UBE3B: variants seen among roughly 807,000 people sequenced by gnomAD.
UBE3B encodes ubiquitin protein ligase E3B, also known as ubiquitin-protein ligase E3B.
UBE3B carries 80 observed loss-of-function variants against 132.3 expected under a neutral mutation model. The observed-to-expected ratio is 0.60, with a 90% CI of 0.50 to 0.73. The LOEUF (loss-of-function observed/expected upper bound fraction) is 0.73. UBE3B is among the 30% of genes least tolerant of loss of function. UBE3B has a pLI of 0.00. For missense variants in UBE3B, 1,196 were observed against 1,362.5 expected (o/e 0.88, Z 1.92); for synonymous variants, 487 against 520.4 (o/e 0.94, Z 0.87).
intron 24 of UBE3B, among the ~76,000 whole-genome samples, chr12:109,527,800 G>A (rs1566113134): frequency 6.6e-6 from 1 of 152,212 alleles, no homozygotes; most frequent in South Asian, 2.1e-4. Context: ...CTTTAGGGGG[G>A]TGCTTGTAGG....
At position 109,481,642 on chromosome 12, in the gene UBE3B, A is replaced by G. The variant is rs927386104; in HGVS notation, c.-122A>G. Reference sequence around the variant, plus strand: ...TTTTCTTCTGCTTCTGCCAGAAAAAATAACAAGCTTTTCTGAAGTGAGAAG... The same window carrying G: ...TTTTCTTCTGCTTCTGCCAGAAAAAGTAACAAGCTTTTCTGAAGTGAGAAG... On this transcript the variant is annotated 5_prime_UTR_variant, in exon 2 of 28. Coordinates refer to ENST00000342494, the MANE Select transcript of UBE3B (RefSeq NM_130466.4). The G allele has an allele frequency of 3.3e-5, 5 of 152,212 alleles. No individual in the cohort carries two copies. Among genetic ancestry groups the G allele is most frequent in the African/African-American group, 1.2e-4 (5 of 41,444 alleles). 9.4% of individuals were successfully genotyped at this position (152,212 alleles called of 1,614,324 possible).
At chr12:109,524,875 G>T (rs1882146157) in intron 23 of UBE3B, among the ~76,000 whole-genome samples, 1 of 151,906 alleles carries the variant, frequency 6.6e-6, no homozygotes, top group Admixed American at 6.6e-5. Context: ...GCAGAAGCCT[G>T]TCCTTGTTCA....
intron 18 of UBE3B, among the ~76,000 whole-genome samples, chr12:109,512,422 G>A (rs1002865733): frequency 3.3e-5 from 5 of 152,100 alleles, no homozygotes; most frequent in African/African-American, 7.2e-5. Context: ...GGCTGTGGCA[G>A]GAGCATCCAG....
chr12:109,523,158 G>A (rs181469869), intron 21 of UBE3B, among the ~76,000 whole-genome samples: 5 of 152,270 alleles, frequency 3.3e-5, no homozygotes, highest in Admixed American at 1.3e-4. Flanking sequence ...TCTGACAGGT[G>A]TCATCAAGTC....
intron 9 of UBE3B, among the ~76,000 whole-genome samples, chr12:109,493,997 T>A (rs1412075264): frequency 6.6e-6 from 1 of 152,146 alleles, no homozygotes; most frequent in Non-Finnish European, 1.5e-5. Flanking sequence ...TTTTTATTTT[T>A]AAAATTTTTG....
rs904851421 is a variant in UBE3B at position 109,521,637 on chromosome 12, T to G, written c.2364+86T>G. Reference sequence around the variant, plus strand: ...TCACATACACATATGTGATCAGGCTTGGCCATGTAAACTGTCACTAGGATA... The same window carrying G: ...TCACATACACATATGTGATCAGGCTGGGCCATGTAAACTGTCACTAGGATA... On this transcript the variant is annotated intron_variant, in intron 21 of 27. Coordinates refer to ENST00000342494, the MANE Select transcript of UBE3B (RefSeq NM_130466.4). This position sits in a 1 kb window ranked among gnomAD's most constrained non-coding sequence, Gnocchi z 4.2. The G allele has an allele frequency of 5.4e-6, 7 of 1,290,664 alleles. No individual in the cohort carries two copies. The highest frequency in any genetic ancestry group is 5.3e-6 in the Non-Finnish European group (5 of 947,962). 80.0% of individuals were successfully genotyped at this position (1,290,664 alleles called of 1,614,324 possible).
Position 109,525,112 on chromosome 12 carries a change from C to T in UBE3B, c.2568+609C>T, listed in dbSNP as rs574182680. ...GCAGAGCCGACTTATTAGACTCGCG[C>T]TTGGGCACCTCAGAACCCCCAGTCT... is the stretch of plus-strand genomic sequence containing the variant. On this transcript the variant is annotated intron_variant, in intron 23 of 27. Coordinates refer to ENST00000342494, the MANE Select transcript of UBE3B (RefSeq NM_130466.4). Among the ~76,000 whole-genome samples the T allele has an allele frequency of 2.0e-5, 3 of 152,262 alleles. No individual in the cohort carries two copies. The East Asian group carries it at 5.8e-4, about 29-fold the overall frequency.
At chr12:109,490,386 C>T in intron 8 of UBE3B, 4 of 1,507,630 alleles carry the variant, frequency 2.7e-6, no homozygotes, top group South Asian at 1.3e-5. Context: ...TGTGCCAGAT[C>T]ATACCTCTAG....
At chr12:109,490,240 G>C in intron 8 of UBE3B, 1 of 955,326 alleles carries the variant, frequency 1.0e-6, no homozygotes, top group Non-Finnish European at 1.6e-6. Context: ...GGCTGCAAGG[G>C]TAATCCAGTC....
intron 9 of UBE3B, 73 bp downstream of exon 9, chr12:109,491,200 G>T: frequency 6.9e-7 from 1 of 1,443,470 alleles, no homozygotes; most frequent in Non-Finnish European, 9.7e-7. Context: ...TCTTTCTCTC[G>T]TTACTGGTAT....
rs145368333 is a variant in UBE3B, at chr12:109,502,595, A to G, written c.1283-428A>G. On this transcript the variant is annotated intron_variant, in intron 13 of 27. Coordinates refer to ENST00000342494, the MANE Select transcript of UBE3B (RefSeq NM_130466.4). ...AGGTTGAAAACAAAGGTAGAATATC[A>G]TTCAAAACCAGGTGTCAGAACTAGA... is the stretch of plus-strand genomic sequence containing the variant. Among the ~76,000 whole-genome samples, 393 of 152,348 alleles carry G rather than the reference A, an allele frequency of 2.6e-3. 3 individuals carry two copies. The highest frequency in any genetic ancestry group is 9.0e-3 in the African/African-American group (376 of 41,588).
rs1878987984 is a variant in UBE3B at position 109,501,502 on chromosome 12, CA to C, written c.1251del (p.Ala418HisfsTer9). 1 of 1,614,072 alleles carries C rather than the reference CA, an allele frequency of 6.2e-7. No individual in the cohort carries two copies. The highest frequency in any genetic ancestry group is 8.5e-7 in the Non-Finnish European group (1 of 1,180,034). The part of the protein sequence containing the change: ...LESQEPAHAQ[P>X]ASPQNVLPVK... ...AGCCAGGAGCCAGCCCACGCACAGC[CA>C]GCATCCCCTCAGAATGTGCTCCCAG... On this transcript the variant is annotated frameshift_variant, in exon 13 of 28. Transcript: ENST00000342494. LOFTEE classifies it high-confidence loss of function.
In UBE3B at chr12:109,521,594, A is replaced by T; in HGVS notation, c.2364+43A>T. 6.7e-7 allele frequency: 1 copy of T among 1,496,720 alleles called. No individual in the cohort carries two copies. The highest frequency in any genetic ancestry group is 1.3e-5 in the South Asian group (1 of 76,046). 92.7% of individuals were successfully genotyped at this position (1,496,720 alleles called of 1,614,324 possible). On this transcript the variant is annotated intron_variant, in intron 21 of 27. Coordinates refer to ENST00000342494, the MANE Select transcript of UBE3B (RefSeq NM_130466.4). The surrounding 1 kb of genome is among the most constrained non-coding windows in gnomAD (Gnocchi z 4.2). ...CAGAGAAATGTAAAATAAAATGTTAACGGTACCATGGGCTTCTTCACATAC... is the reference window on the plus strand; with the variant it reads ...CAGAGAAATGTAAAATAAAATGTTATCGGTACCATGGGCTTCTTCACATAC...
rs1473200107 is a variant in UBE3B, at chr12:109,530,081, C to T, written c.2810+9C>T. ...GATCTGGAAGATTTAAAGTAAGAGG[C>T]GGGTGGGGGGAAGGGTGAAATTCCT... On this transcript the variant is annotated intron_variant, in intron 25 of 27. Coordinates refer to ENST00000342494, the MANE Select transcript of UBE3B (RefSeq NM_130466.4). 5 of 1,531,000 alleles carry T rather than the reference C, an allele frequency of 3.3e-6. No homozygotes were observed. The highest frequency in any genetic ancestry group is 2.3e-5 in the East Asian group (1 of 43,736). The allele number at this position is 1,531,000 out of a possible 1,614,324, so 94.8% of individuals were successfully genotyped here.
intron 7 of UBE3B, 37 bp downstream of exon 7, chr12:109,488,705 C>A (rs1470567760): frequency 6.3e-7 from 1 of 1,589,116 alleles, no homozygotes; most frequent in East Asian, 2.2e-5. Context: ...CTCTAACCAA[C>A]ATTTCCATAG....
intron 2 of UBE3B, among the ~76,000 whole-genome samples, chr12:109,482,499 C>A (rs1399405159): frequency 1.3e-5 from 2 of 152,200 alleles, no homozygotes; most frequent in African/African-American, 4.8e-5. Flanking sequence ...CGACTTTTTA[C>A]TCTGGATGAT....
rs574971788 is a variant in UBE3B, at chr12:109,523,351, C to A, written c.2365-627C>A. On this transcript the variant is annotated intron_variant, in intron 21 of 27. Transcript: ENST00000342494. ...CATAAAAGTGCAGCTCTGTCCCTTCCCTGCTCAGAGCCCTCTGGACAGAAT... is the reference window on the plus strand; with the variant it reads ...CATAAAAGTGCAGCTCTGTCCCTTCACTGCTCAGAGCCCTCTGGACAGAAT... Among the ~76,000 whole-genome samples the A allele has an allele frequency of 1.6e-4, 25 of 152,356 alleles. 3 individuals are homozygous for A. The highest frequency in any genetic ancestry group is 5.5e-4 in the African/African-American group (23 of 41,582).
chr12:109,541,762 A>G, the UBE3B span, among the ~76,000 whole-genome samples: 1 of 152,190 alleles, frequency 6.6e-6, no homozygotes, highest in Non-Finnish European at 1.5e-5. Context: ...TCTGGGGAGA[A>G]GCCTGCCCTG....
chr12:109,525,328 A>G (rs142297728), intron 23 of UBE3B, among the ~76,000 whole-genome samples: 2 of 152,206 alleles, frequency 1.3e-5, no homozygotes, highest in Non-Finnish European at 2.9e-5. Context: ...GCTTCCCTAC[A>G]TCCTGGGACA....
Sources: allele counts gnomAD v4.1 joint callset (sites outside exome capture counted in the v4.1 genomes callset), GRCh38; gene constraint gnomAD v4.1.1; non-coding constraint Gnocchi (gnomAD v3.1); transcripts MANE v1.5; gene names NCBI Gene and HGNC (gene_info 2026-07-23, HGNC 2026-07-21).